The following PTPRN2 variants were observed in gnomAD, a reference collection of about 807,000 sequenced individuals.
PTPRN2 encodes the protein receptor-type tyrosine-protein phosphatase N2.
A neutral mutation model predicts 118.8 loss-of-function variants in PTPRN2; 74 were observed. That is an observed-to-expected ratio of 0.62 (90% confidence interval 0.52 to 0.76). The LOEUF is 0.76. Ranked by LOEUF, PTPRN2 falls within the 30% of genes least tolerant of loss-of-function variation. The pLI, the probability that PTPRN2 is intolerant of heterozygous loss-of-function variation, is 0.00. For missense variants in PTPRN2, 1,481 were observed against 1,394.4 expected, an observed-to-expected ratio of 1.06 and a Z score of -0.99; for synonymous variants, 641 against 608.0, an observed-to-expected ratio of 1.05 and a Z score of -0.80.
rs750017725 is a variant in PTPRN2 at position 157,656,536 on chromosome 7, G to A, written c.2017C>T (p.Arg673Cys). The change falls in exon 14 of 23, where the codon CGT becomes TGT. Residue 673 changes from arginine to cysteine, a missense_variant. Arg to Cys is a radical substitution (Grantham distance 180). Coordinates refer to ENST00000389418, the MANE Select transcript of PTPRN2 (RefSeq NM_002847.5). ...TAAYQELCRQ[R>C]MATRPPDRPE... ...CGGTCTGGTGGCCGCGTGGCCATACGCTGGCGGCACAGCTCCTGCAGGACA... is the reference window on the plus strand; with the variant it reads ...CGGTCTGGTGGCCGCGTGGCCATACACTGGCGGCACAGCTCCTGCAGGACA... The A allele has an allele frequency of 3.9e-6, 6 of 1,542,964 alleles. No individual in the cohort carries two copies. Among genetic ancestry groups the A allele is most frequent in the East Asian group, 2.4e-5 (1 of 41,462 alleles).
chr7:158,005,028 C>T (rs1026522187), intron 11 of PTPRN2, among the ~76,000 whole-genome samples: 4 of 151,728 alleles, frequency 2.6e-5, no homozygotes, highest in African/African-American at 7.3e-5. Context: ...TTGAGAAAAT[C>T]GGCCTGGCAC....
intron 1 of PTPRN2, among the ~76,000 whole-genome samples, chr7:158,501,455 G>A (rs535132485): frequency 9.8e-5 from 15 of 152,298 alleles, no homozygotes; most frequent in African/African-American, 3.6e-4. Context: ...AGAACAGCCT[G>A]CCTTCTGCTG....
intron 1 of PTPRN2, among the ~76,000 whole-genome samples, chr7:158,532,464 C>T (rs936876080): frequency 1.3e-5 from 2 of 152,158 alleles, no homozygotes; most frequent in African/African-American, 2.4e-5. Flanking sequence ...GCAGAGACAG[C>T]CATGAGATTT....
intron 13 of PTPRN2, among the ~76,000 whole-genome samples, chr7:157,661,844 C>T (rs1322127777): frequency 4.6e-5 from 7 of 152,194 alleles, no homozygotes; most frequent in Non-Finnish European, 8.8e-5. Flanking sequence ...ACATCACCAG[C>T]GCAGGCTTTT....
At chr7:157,790,412 G>C (rs1306566853) in intron 12 of PTPRN2, among the ~76,000 whole-genome samples, 1 of 152,008 alleles carries the variant, frequency 6.6e-6, no homozygotes, top group Non-Finnish European at 1.5e-5. Flanking sequence ...GCAATCTGGG[G>C]GCACAGGAAG....
chr7:157,885,169 C>T lies in PTPRN2; in HGVS notation c.1788+13504G>A, dbSNP rs1204953259. On this transcript the variant is annotated intron_variant, in intron 12 of 22. Transcript: ENST00000389418. ...AGGGGTACCTGAGTTGGCCTGGATG[C>T]TCAGTGGCTGCCCTGATAAGTGATT... 2.6e-5 allele frequency among the ~76,000 whole-genome samples: 4 copies of T among 152,142 alleles called. No homozygotes were observed. In the East Asian group the frequency reaches 7.7e-4, roughly 29 times the overall value.
chr7:158,227,688 C>T (rs1828896273), intron 3 of PTPRN2, among the ~76,000 whole-genome samples: 1 of 152,362 alleles, frequency 6.6e-6, no homozygotes, highest in East Asian at 1.9e-4. Context: ...CTTGCCCTCG[C>T]ATCAGCAAGG....
intron 4 of PTPRN2, among the ~76,000 whole-genome samples, chr7:158,199,361 T>G (rs1322183150): frequency 6.6e-6 from 1 of 152,192 alleles, no homozygotes; most frequent in East Asian, 1.9e-4. Flanking sequence ...CCACACTGCG[T>G]CTCTTTCTGG....
At chr7:157,752,457 C>A (rs990699190) in intron 12 of PTPRN2, among the ~76,000 whole-genome samples, 1 of 152,222 alleles carries the variant, frequency 6.6e-6, no homozygotes, top group African/African-American at 2.4e-5. Flanking sequence ...GGCCAGAGCT[C>A]CCCTGGGGTC....
At chr7:158,350,321 G>T (rs1199592714) in intron 2 of PTPRN2, among the ~76,000 whole-genome samples, 1 of 152,172 alleles carries the variant, frequency 6.6e-6, no homozygotes, top group Non-Finnish European at 1.5e-5. Flanking sequence ...CCCAAGCAGG[G>T]GCAGGACTGG....
intron 22 of PTPRN2, among the ~76,000 whole-genome samples, chr7:157,543,642 T>A (rs1397792268): frequency 1.3e-5 from 2 of 152,230 alleles, no homozygotes; most frequent in Non-Finnish European, 2.9e-5. Context: ...ATATTTGTAA[T>A]CCTTCAGGTG....
At chr7:158,259,591 C>T (rs1372136774) in intron 3 of PTPRN2, among the ~76,000 whole-genome samples, 1 of 152,192 alleles carries the variant, frequency 6.6e-6, no homozygotes, top group Non-Finnish European at 1.5e-5. Flanking sequence ...GAGTGGGACT[C>T]ACTCTTCCCG....
chr7:158,416,290 C>T (rs1178781737), intron 2 of PTPRN2, among the ~76,000 whole-genome samples: 3 of 152,246 alleles, frequency 2.0e-5, no homozygotes, highest in African/African-American at 7.2e-5. Flanking sequence ...ACTGTCCTCC[C>T]TTGCAGGCCC....
chr7:157,853,217 G>A (rs867085068), intron 12 of PTPRN2, among the ~76,000 whole-genome samples: 60 of 152,180 alleles, frequency 3.9e-4, no homozygotes, highest in African/African-American at 1.3e-3. Context: ...ATGTAGTCAT[G>A]AGGGGCATGA....
intron 1 of PTPRN2, among the ~76,000 whole-genome samples, chr7:158,508,386 T>A (rs1426568334): frequency 6.6e-6 from 1 of 152,010 alleles, no homozygotes; most frequent in Non-Finnish European, 1.5e-5. Flanking sequence ...CCAAGCTGAT[T>A]AGAACAAGGA....
At chr7:157,613,737 G>A (rs1318283072) in intron 15 of PTPRN2, among the ~76,000 whole-genome samples, 1 of 152,188 alleles carries the variant, frequency 6.6e-6, no homozygotes, top group Non-Finnish European at 1.5e-5. Context: ...CGGCGGCCGT[G>A]GATGAGCAAA....
At chr7:158,029,699 G>T (rs1432916077) in intron 11 of PTPRN2, 1 of 151,628 alleles carries the variant, frequency 6.6e-6, no homozygotes, top group African/African-American at 2.4e-5. Context: ...GGGGCTGGGA[G>T]CTCCGGCCCT....
At chr7:158,217,371 T>G (rs1053362793) in intron 3 of PTPRN2, among the ~76,000 whole-genome samples, 1 of 151,878 alleles carries the variant, frequency 6.6e-6, no homozygotes, top group African/African-American at 2.4e-5. Context: ...TATGAAAAAA[T>G]TCAGAAACAA....
chr7:157,724,031 C>T (rs570178842), intron 12 of PTPRN2, among the ~76,000 whole-genome samples: 3 of 152,142 alleles, frequency 2.0e-5, no homozygotes, highest in African/African-American at 7.2e-5. Context: ...TTTAGGCTTC[C>T]CCCGTCTGAA....
Sources: allele counts gnomAD v4.1 joint callset (sites outside exome capture counted in the v4.1 genomes callset), GRCh38; gene constraint gnomAD v4.1.1; transcripts MANE v1.5; gene names NCBI Gene and HGNC (gene_info 2026-07-23, HGNC 2026-07-21).